HORMAD2: variants seen among roughly 807,000 people sequenced by gnomAD.
HORMAD2 encodes HORMA domain-containing protein 2.
A neutral mutation model predicts 38.8 loss-of-function variants in HORMAD2; 45 were observed. The observed-to-expected ratio is 1.16, with a 90% CI of 0.91 to 1.49. The LOEUF is 1.49. Ranked by LOEUF, HORMAD2 falls within the 40% of genes most tolerant of loss-of-function variation. The pLI, the probability that HORMAD2 is intolerant of heterozygous loss-of-function variation, is 0.00. For missense variants in HORMAD2, 338 were observed against 367.0 expected, an observed-to-expected ratio of 0.92 and a Z score of 0.65; for synonymous variants, 126 against 122.8, an observed-to-expected ratio of 1.03 and a Z score of -0.17.
intron 6 of HORMAD2, 116 bp from the exon 7 acceptor site, chr22:30,112,380 A>G (rs1314433947): frequency 1.6e-6 from 1 of 619,964 alleles, no homozygotes; most frequent in East Asian, 3.3e-5. Context: ...AGCTTAAAAT[A>G]TATGTCTGTA....
At chr22:30,086,658 C>T (rs932438507) in intron 1 of HORMAD2, among the ~76,000 whole-genome samples, 1 of 152,140 alleles carries the variant, frequency 6.6e-6, no homozygotes, top group Non-Finnish European at 1.5e-5. Context: ...ACAGAACAGA[C>T]TGGAGAAGGA....
chr22:30,139,794 T>G (rs548748640), intron 10 of HORMAD2, among the ~76,000 whole-genome samples: 14 of 152,252 alleles, frequency 9.2e-5, no homozygotes, highest in African/African-American at 3.4e-4. Context: ...TGGAAGGGTG[T>G]TGGATTTTGT....
chr22:30,205,080 G>A, the HORMAD2 span, among the ~76,000 whole-genome samples: 1 of 152,172 alleles, frequency 6.6e-6, no homozygotes, highest in African/African-American at 2.4e-5. Context: ...GGGCAGTTGA[G>A]CGAAATGAAA....
intron 10 of HORMAD2, among the ~76,000 whole-genome samples, chr22:30,129,278 G>A (rs1003468410): frequency 7.9e-6 from 1 of 127,242 alleles, no homozygotes; most frequent in South Asian, 2.5e-4. Flanking sequence ...AATAAATAAT[G>A]CCCTGCTAAG....
At chr22:30,133,105 A>G (rs1268213469) in intron 10 of HORMAD2, among the ~76,000 whole-genome samples, 2 of 152,202 alleles carry the variant, frequency 1.3e-5, no homozygotes, top group Admixed American at 6.5e-5. Flanking sequence ...GATTTTTTTC[A>G]AAGTGACTTC....
intron 2 of HORMAD2, among the ~76,000 whole-genome samples, chr22:30,095,602 C>T (rs961290227): frequency 5.9e-5 from 9 of 152,044 alleles, no homozygotes; most frequent in Admixed American, 1.3e-4. Context: ...GTAAGCCACA[C>T]GAGGGAGAGG....
At chr22:30,168,913 ACT>A (rs1361725088) in intron 10 of HORMAD2, among the ~76,000 whole-genome samples, 1 of 151,810 alleles carries the variant, frequency 6.6e-6, no homozygotes, top group Non-Finnish European at 1.5e-5. Context: ...TCCATTACAG[ACT>A]CTCATTACAA....
chr22:30,090,095 G>T (rs1422637310), intron 1 of HORMAD2, among the ~76,000 whole-genome samples: 1 of 152,194 alleles, frequency 6.6e-6, no homozygotes, highest in Non-Finnish European at 1.5e-5. Flanking sequence ...GGGTGTGGTG[G>T]CTCATGCCTA....
At chr22:30,207,390 G>A in the HORMAD2 span, among the ~76,000 whole-genome samples, 1 of 152,160 alleles carries the variant, frequency 6.6e-6, no homozygotes, top group African/African-American at 2.4e-5. Context: ...AGAAGAAAAA[G>A]AAATGTCCCA....
the HORMAD2 span, among the ~76,000 whole-genome samples, chr22:30,194,134 C>G: frequency 6.6e-6 from 1 of 152,194 alleles, no homozygotes; most frequent in East Asian, 1.9e-4. Context: ...GAAGTATTGT[C>G]ATGTCTCTTA....
At chr22:30,101,673 A>G (rs1410377203) in intron 3 of HORMAD2, among the ~76,000 whole-genome samples, 2 of 152,120 alleles carry the variant, frequency 1.3e-5, no homozygotes, top group East Asian at 1.9e-4. Context: ...ATAGAGAGCT[A>G]CAAGTTGCCT....
intron 10 of HORMAD2, among the ~76,000 whole-genome samples, chr22:30,150,683 A>G (rs1169352480): frequency 6.6e-6 from 1 of 152,148 alleles, no homozygotes; most frequent in East Asian, 1.9e-4. Flanking sequence ...CAAAATCTGT[A>G]TTTTAAAATC....
At chr22:30,078,607 C>CAAAAAAAAAA (rs55966787), upstream of HORMAD2, among the ~76,000 whole-genome samples, 511 of 28,094 alleles carry the variant, frequency 0.018, 116 homozygotes, top group African/African-American at 0.019. Flanking sequence ...CTCTGTCTCA[C>CAAAAAAAAAA]AAAAAAAAAA....
chr22:30,087,722 GAA>G (rs761702466), intron 1 of HORMAD2, among the ~76,000 whole-genome samples: 1 of 131,696 alleles, frequency 7.6e-6, no homozygotes, highest in Non-Finnish European at 1.6e-5. Flanking sequence ...AGAGAGAGAG[GAA>G]AAAAAAAAAG....
chr22:30,138,199 T>TTA (rs747293467), intron 10 of HORMAD2, among the ~76,000 whole-genome samples: 6 of 152,156 alleles, frequency 3.9e-5, no homozygotes, highest in Non-Finnish European at 8.8e-5. Context: ...TCTTATCCAT[T>TTA]TATATATATT....
intron 10 of HORMAD2, among the ~76,000 whole-genome samples, chr22:30,147,769 C>T (rs1192214498): frequency 1.3e-5 from 2 of 152,074 alleles, no homozygotes; most frequent in African/African-American, 4.8e-5. Context: ...AATAAGACAA[C>T]TCCATTTTTA....
At chr22:30,112,410 A>C (rs1401921835) in intron 6 of HORMAD2, 86 bp from the exon 7 acceptor site, 2 of 680,686 alleles carry the variant, frequency 2.9e-6, no homozygotes, top group Non-Finnish European at 5.1e-6. Context: ...TAGAACACAA[A>C]TTGAACTCTA....
At chr22:30,137,408 G>T in intron 10 of HORMAD2, 2 of 447,186 alleles carry the variant, frequency 4.5e-6, no homozygotes, top group Admixed American at 4.4e-5. Context: ...AGGTATTTGA[G>T]CCCAGGAGGT....
At chr22:30,202,153 C>G in the HORMAD2 span, among the ~76,000 whole-genome samples, 1 of 152,140 alleles carries the variant, frequency 6.6e-6, no homozygotes, top group South Asian at 2.1e-4. Context: ...ATGTACGAGG[C>G]CTGTTATGCT....
Sources: gnomAD v4.1 joint callset for allele counts (sites outside exome capture counted in the v4.1 genomes callset) on GRCh38, gnomAD v4.1.1 for gene constraint, MANE v1.5 for transcripts, NCBI Gene and HGNC (gene_info 2026-07-23, HGNC 2026-07-21) for gene names.